The following ADCK5 variants were observed in gnomAD, a reference collection of about 807,000 sequenced individuals.
The protein encoded by ADCK5 is aarF domain containing kinase 5.
Under a neutral mutation model 64.9 loss-of-function variants are expected in ADCK5, and 43 were observed. The ratio of observed to expected loss-of-function variants is 0.66; its 90% CI spans 0.52 to 0.85. ADCK5 has a LOEUF of 0.85. Ranked by LOEUF, ADCK5 falls within the 40% of genes least tolerant of loss-of-function variation. The pLI is 0.00. For missense variants in ADCK5, 760 were observed against 810.5 expected (o/e 0.94, Z 0.76); for synonymous variants, 434 against 342.8 (o/e 1.27, Z -2.94).
rs1194080779 is a variant in ADCK5, at chr8:144,393,137, A to G, written c.*63A>G. 3 of 1,441,600 alleles carry G rather than the reference A, an allele frequency of 2.1e-6. No individual in the cohort carries two copies. Among genetic ancestry groups the G allele is most frequent in the Non-Finnish European group, 2.8e-6 (3 of 1,087,800 alleles). 89.3% of individuals were successfully genotyped at this position (1,441,600 alleles called of 1,614,324 possible). ...TTGGGCTGACGGAGGTGGCGGGGCT[A>G]GAGGTGTAGACACCCCGAGCCCCGT... On this transcript the variant is annotated 3_prime_UTR_variant, in exon 15 of 15. Transcript: ENST00000308860.
chr8:144,383,041 G>A lies in ADCK5; in HGVS notation c.117-40G>A, dbSNP rs782283531. On this transcript the variant is annotated intron_variant, in intron 2 of 14. Coordinates refer to ENST00000308860, the MANE Select transcript of ADCK5 (RefSeq NM_174922.5). ...GGCAGAGATCAGAGCCCAGCTGAATGTGGGGGGCGGCGCCTCCAGGCTGCA... is the reference window on the plus strand; with the variant it reads ...GGCAGAGATCAGAGCCCAGCTGAATATGGGGGGCGGCGCCTCCAGGCTGCA... 1.8e-5 allele frequency: 28 copies of A among 1,567,612 alleles called. No individual in the cohort carries two copies. In the African/African-American group the frequency reaches 3.4e-4, roughly 19 times the overall value.
rs1006004333 is a variant in ADCK5 at position 144,392,816 on chromosome 8, C to T, written c.1561C>T (p.Arg521Trp). The change falls in exon 14 of 15, where the codon CGG becomes TGG. Residue 521 changes from arginine (R) to tryptophan (W), a missense_variant. Physicochemically the swap from Arg to Trp is moderately radical, Grantham distance 101 (BLOSUM62 -3). Transcript: ENST00000308860. ...GAGCCGCCTGGCGGGCGCCACGTATCGGGGTGTCTACGGCACCAGCCTCCT... is the reference window on the plus strand; with the variant it reads ...GAGCCGCCTGGCGGGCGCCACGTATTGGGGTGTCTACGGCACCAGCCTCCT... ...GWSRLAGATYRGVYGTSLLRH... is the reference protein window; with the variant it reads ...GWSRLAGATYWGVYGTSLLRH... The T allele has an allele frequency of 3.1e-6, 5 of 1,593,056 alleles. No individual in the cohort carries two copies. The highest frequency in any genetic ancestry group is 1.3e-5 in the African/African-American group (1 of 74,808).
In ADCK5 at chr8:144,392,767, T is replaced by C. The variant is rs782575153; in HGVS notation, c.1521-9T>C. The stretch of plus-strand genomic sequence containing the variant: ...GGGGCTGACGCGGCGCTAACGCGGG[T>C]GTGTGCAGGGCTGTCCGGGGCTGGA... On this transcript the variant is annotated splice_polypyrimidine_tract_variant and intron_variant, in intron 13 of 14. Transcript: ENST00000308860. 1.3e-6 allele frequency: 2 copies of C among 1,585,990 alleles called. No individual in the cohort carries two copies. The highest frequency in any genetic ancestry group is 2.2e-5 in the South Asian group (2 of 89,488).
chr8:144,393,205 G>A lies in ADCK5; in HGVS notation c.*131G>A. 7.4e-7 allele frequency: 1 copy of A among 1,357,860 alleles called. No homozygotes were observed. 84.1% of individuals were successfully genotyped at this position (1,357,860 alleles called of 1,614,324 possible). A position where few individuals can be genotyped will look rare whatever the true frequency, so the allele number is the denominator to read the frequency against. On this transcript the variant is annotated 3_prime_UTR_variant, in exon 15 of 15. Transcript: ENST00000308860. ...GGCTGTGACAGCAGCTGGGCCAGGA[G>A]GCCGTGTAATGACCACACACTCCTC...
Position 144,391,020 on chromosome 8 carries a change from G to A in ADCK5, c.507G>A (p.Val169=), listed in dbSNP as rs1820194342. 2 of 1,612,910 alleles carry A rather than the reference G, an allele frequency of 1.2e-6. No individual in the cohort carries two copies. Among genetic ancestry groups the A allele is most frequent in the South Asian group, 2.2e-5 (2 of 91,088 alleles). ...LPPEYTRTLR[V]LEDRALKRGF... ...CCGAGTATACCCGGACCCTGCGCGT[G>A]CTAGAGGACAGGGCCCTCAAGCGGG... The change falls in exon 5 of 15, where the codon GTG becomes GTA. Residue 169 remains valine, a synonymous_variant. Transcript: ENST00000308860.
chr8:144,392,398 G>T, intron 12 of ADCK5, 47 bp from the exon 13 acceptor site: 1 of 1,492,726 alleles, frequency 6.7e-7, no homozygotes, highest in Non-Finnish European at 8.9e-7. Flanking sequence ...CGGGCGGCGC[G>T]GAACCCACTC....
intron 2 of ADCK5, 84 bp downstream of exon 2, chr8:144,379,574 G>T: frequency 8.5e-7 from 1 of 1,175,922 alleles, no homozygotes; most frequent in Non-Finnish European, 1.2e-6. Flanking sequence ...GCAGTCGAGG[G>T]CCCAAGGCTG....
intron 1 of ADCK5, 51 bp from the exon 2 acceptor site, chr8:144,379,336 A>AG: frequency 7.1e-7 from 1 of 1,400,764 alleles, no homozygotes; most frequent in Middle Eastern, 1.8e-4. Context: ...GGTTGAGGGC[A>AG]GGGGCGTGTC....
intron 3 of ADCK5, chr8:144,389,272 C>G: frequency 4.4e-6 from 2 of 456,758 alleles, no homozygotes; most frequent in South Asian, 3.1e-5. Context: ...GACCTTGCCT[C>G]CCCAGGCCTT....
In ADCK5 at chr8:144,390,846, C is replaced by G. The variant is rs374040823; in HGVS notation, c.343-10C>G. ...CTGTCCCCATGTGTTCTCCCCATGCCTGTGGTCAGAACAGCCCAGGCTACT... is the reference window on the plus strand; with the variant it reads ...CTGTCCCCATGTGTTCTCCCCATGCGTGTGGTCAGAACAGCCCAGGCTACT... On this transcript the variant is annotated splice_polypyrimidine_tract_variant and intron_variant, in intron 4 of 14. Coordinates refer to ENST00000308860, the MANE Select transcript of ADCK5 (RefSeq NM_174922.5). The G allele has an allele frequency of 2.4e-5, 38 of 1,612,076 alleles. No homozygotes were observed. The African/African-American group carries it at 4.4e-4, about 19-fold the overall frequency.
At chr8:144,378,354 G>A (rs1347968423) in intron 1 of ADCK5, among the ~76,000 whole-genome samples, 1 of 152,120 alleles carries the variant, frequency 6.6e-6, no homozygotes, top group Non-Finnish European at 1.5e-5. Context: ...TCTGGTCATG[G>A]GGGCAGATTC....
intron 1 of ADCK5, chr8:144,377,383 T>C (rs1819407100): frequency 6.6e-6 from 1 of 152,248 alleles, no homozygotes; most frequent in South Asian, 2.1e-4. Flanking sequence ...AGTCCCATTC[T>C]GTTGCCCAGG....
At chr8:144,375,709 G>A (rs1819335219) in intron 1 of ADCK5, 1 of 963,120 alleles carries the variant, frequency 1.0e-6, no homozygotes, top group African/African-American at 1.8e-5. Context: ...CTCTGGAACG[G>A]GAGGTGTTTC....
intron 2 of ADCK5, among the ~76,000 whole-genome samples, chr8:144,380,426 A>G (rs1212290754): frequency 1.9e-3 from 268 of 143,058 alleles, no homozygotes; most frequent in Non-Finnish European, 1.5e-3. Flanking sequence ...GTGCTCAGGC[A>G]CCTGCTGCAC....
chr8:144,390,310 G>T (rs1243840433), intron 3 of ADCK5, among the ~76,000 whole-genome samples: 1 of 152,112 alleles, frequency 6.6e-6, no homozygotes, highest in African/African-American at 2.4e-5. Context: ...TGCATTTTTG[G>T]TAGAGACAGG....
chr8:144,379,554 T>G (rs1238664464), intron 2 of ADCK5, 64 bp downstream of exon 2: 15 of 1,360,308 alleles, frequency 1.1e-5, no homozygotes, highest in Non-Finnish European at 1.5e-5. Flanking sequence ...TCTGTGTGCA[T>G]GCAGAGGTGG....
At chr8:144,383,455 G>C (rs1554858745) in intron 3 of ADCK5, among the ~76,000 whole-genome samples, 3 of 152,192 alleles carry the variant, frequency 2.0e-5, no homozygotes, top group Non-Finnish European at 2.9e-5. Flanking sequence ...AGGTGGTGTA[G>C]ACAAGGGTCC....
intron 12 of ADCK5, 44 bp downstream of exon 12, chr8:144,392,389 G>C (rs576962347): frequency 2.7e-6 from 4 of 1,488,316 alleles, no homozygotes; most frequent in Non-Finnish European, 2.7e-6. Flanking sequence ...GAAGGGAGTC[G>C]GGCGGCGCGG....
intron 3 of ADCK5, among the ~76,000 whole-genome samples, chr8:144,389,777 G>A (rs558295979): frequency 1.3e-4 from 19 of 151,176 alleles, no homozygotes; most frequent in African/African-American, 4.4e-4. Flanking sequence ...TGATCTGCCC[G>A]CCTCGGCCTC....
Sources: gnomAD v4.1 joint callset for allele counts (sites outside exome capture counted in the v4.1 genomes callset) on GRCh38, gnomAD v4.1.1 for gene constraint, MANE v1.5 for transcripts, NCBI Gene and HGNC (gene_info 2026-07-23, HGNC 2026-07-21) for gene names.